Variants in PPFIA2 observed in about 807,000 individuals in gnomAD.
PPFIA2 encodes liprin-alpha-2.
Under a neutral mutation model 175.5 loss-of-function variants are expected in PPFIA2, and 46 were observed. The observed-to-expected ratio is 0.26, with a 90% CI of 0.21 to 0.34. PPFIA2 has a LOEUF of 0.34. PPFIA2 is among the 10% of genes least tolerant of loss of function. The pLI, the probability that PPFIA2 is intolerant of heterozygous loss-of-function variation, is 1.00. For synonymous variants in PPFIA2, 568 were observed against 511.4 expected, an observed-to-expected ratio of 1.11 and a Z score of -1.49; for missense variants, 1,179 against 1,506.1, an observed-to-expected ratio of 0.78 and a Z score of 3.60.
intron 4 of PPFIA2, among the ~76,000 whole-genome samples, chr12:81,490,663 C>T (rs2059331746): frequency 6.6e-6 from 1 of 151,938 alleles, no homozygotes; most frequent in Non-Finnish European, 1.5e-5. Flanking sequence ...CTCTTCATAC[C>T]TCTAAGACTT....
rs549689082 is a variant in PPFIA2, at chr12:81,406,659, C to A, written c.646-756G>T. Among the ~76,000 whole-genome samples, 30 of 151,754 alleles carry A rather than the reference C, an allele frequency of 2.0e-4. 1 individual carries two copies. The highest frequency in any genetic ancestry group is 3.3e-4 in the Admixed American group (5 of 15,258). ...CTTTTTAAAATGATGTTTTAAAATA[C>A]ATTTGCTAAATATATATATATATAT... On this transcript the variant is annotated intron_variant, in intron 7 of 32. Coordinates refer to ENST00000549396, the MANE Select transcript of PPFIA2 (RefSeq NM_003625.5).
At chr12:81,327,292 AC>A in intron 21 of PPFIA2, among the ~76,000 whole-genome samples, 1 of 152,182 alleles carries the variant, frequency 6.6e-6, no homozygotes, top group East Asian at 1.9e-4. Context: ...TTTAATGAAT[AC>A]GGGTACTTAA....
intron 8 of PPFIA2, among the ~76,000 whole-genome samples, chr12:81,401,410 A>T (rs1279206317): frequency 2.0e-5 from 3 of 152,304 alleles, no homozygotes; most frequent in South Asian, 4.1e-4. Flanking sequence ...GGTAAGGTTC[A>T]TACAGCTGGT....
intron 3 of PPFIA2, among the ~76,000 whole-genome samples, chr12:81,752,710 A>G (rs2083992719): frequency 6.6e-6 from 1 of 152,316 alleles, no homozygotes; most frequent in East Asian, 1.9e-4. Context: ...TTAGAATTTT[A>G]TCAACTTTGA....
At chr12:81,639,275 T>A (rs1397846066) in intron 4 of PPFIA2, among the ~76,000 whole-genome samples, 2 of 152,170 alleles carry the variant, frequency 1.3e-5, no homozygotes, top group African/African-American at 4.8e-5. Context: ...CTGCTTTTTT[T>A]TCTTTTAAAA....
chr12:81,288,505 CA>C (rs1328468360), intron 24 of PPFIA2, among the ~76,000 whole-genome samples: 1 of 151,604 alleles, frequency 6.6e-6, no homozygotes, highest in Admixed American at 6.6e-5. Context: ...AGAGTTAAGA[CA>C]GAAAAATAAA....
At chr12:81,739,770 T>C (rs1376380467) in intron 3 of PPFIA2, among the ~76,000 whole-genome samples, 1 of 152,088 alleles carries the variant, frequency 6.6e-6, no homozygotes, top group Non-Finnish European at 1.5e-5. Context: ...TTACCGTACA[T>C]AGAACAAGAT....
At chr12:81,743,039 G>T (rs2082521970) in intron 3 of PPFIA2, among the ~76,000 whole-genome samples, 1 of 152,006 alleles carries the variant, frequency 6.6e-6, no homozygotes, top group African/African-American at 2.4e-5. Context: ...CTCCACTCAG[G>T]GTGAATTCAG....
chr12:81,346,751 G>T (rs1389222367), intron 18 of PPFIA2, among the ~76,000 whole-genome samples: 1 of 151,580 alleles, frequency 6.6e-6, no homozygotes, highest in African/African-American at 2.4e-5. Flanking sequence ...AGAAATTTAT[G>T]TTATATATTG....
At chr12:81,579,427 A>G (rs1350239420) in intron 4 of PPFIA2, among the ~76,000 whole-genome samples, 4 of 151,846 alleles carry the variant, frequency 2.6e-5, no homozygotes, top group Non-Finnish European at 4.4e-5. Flanking sequence ...ATAAATCATT[A>G]TTTAGGAAGA....
At position 81,365,827 on chromosome 12, in the gene PPFIA2, G is replaced by C. The variant is rs1047781525; in HGVS notation, c.1545+1281C>G. Among the ~76,000 whole-genome samples, 3 of 151,892 alleles carry C rather than the reference G, an allele frequency of 2.0e-5. No individual in the cohort carries two copies. The East Asian group carries it at 5.8e-4, about 30-fold the overall frequency. On this transcript the variant is annotated intron_variant, in intron 14 of 32. Transcript: ENST00000549396. ...TGTTCTAAAGACCTATCTTTCAGGA[G>C]ATTGTGGACACCTTGACTGTAGAAT...
intron 4 of PPFIA2, among the ~76,000 whole-genome samples, chr12:81,659,416 C>G (rs886998904): frequency 1.4e-4 from 21 of 152,212 alleles, no homozygotes; most frequent in Admixed American, 1.1e-3. Context: ...TATCCTTCAC[C>G]TGGCTCGAAG....
In PPFIA2 at chr12:81,290,575, T is replaced by C. The variant is rs61934706; in HGVS notation, c.2925+4260A>G. On this transcript the variant is annotated intron_variant, in intron 24 of 32. Transcript: ENST00000549396. ...TATTACACATTAGTAAAAAGATATA[T>C]ATTCCTATAATAATAAAGATAAGTT... Among the ~76,000 whole-genome samples, 1,077 of 151,876 alleles carry C rather than the reference T, an allele frequency of 7.1e-3. 7 individuals carry two copies. Among genetic ancestry groups the C allele is most frequent in the Middle Eastern group, 0.017 (5 of 294 alleles).
At chr12:81,730,798 T>C (rs935344462) in intron 3 of PPFIA2, among the ~76,000 whole-genome samples, 1 of 151,508 alleles carries the variant, frequency 6.6e-6, no homozygotes, top group South Asian at 2.1e-4. Flanking sequence ...TCCAATTAAA[T>C]GTTATTACCC....
At chr12:81,403,905 T>C (rs1185090372) in intron 8 of PPFIA2, among the ~76,000 whole-genome samples, 1 of 152,158 alleles carries the variant, frequency 6.6e-6, no homozygotes, top group East Asian at 1.9e-4. Context: ...AATTGCACAC[T>C]TGAATCTCTC....
intron 7 of PPFIA2, among the ~76,000 whole-genome samples, chr12:81,406,299 T>C (rs529088285): frequency 6.6e-6 from 1 of 152,210 alleles, no homozygotes; most frequent in East Asian, 1.9e-4. Flanking sequence ...ACAAGAAACA[T>C]AAAAGATTGA....
rs1199883161 is a variant in PPFIA2, at chr12:81,284,234, G to C, written c.2988+7C>G. On this transcript the variant is annotated splice_region_variant and intron_variant, in intron 25 of 32. Coordinates refer to ENST00000549396, the MANE Select transcript of PPFIA2 (RefSeq NM_003625.5). ...CCTTCAGGTTCAACAAAGCCATTAAGACTAACCGTTTTTGCTGGAGCTGCA... is the reference window on the plus strand; with the variant it reads ...CCTTCAGGTTCAACAAAGCCATTAACACTAACCGTTTTTGCTGGAGCTGCA... The C allele has an allele frequency of 6.4e-7, 1 of 1,568,596 alleles. No individual in the cohort carries two copies. Among genetic ancestry groups the C allele is most frequent in the South Asian group, 1.1e-5 (1 of 88,062 alleles).
intron 26 of PPFIA2, 57 bp downstream of exon 26, chr12:81,282,953 A>G (rs2042408187): frequency 6.8e-7 from 1 of 1,473,252 alleles, no homozygotes. Context: ...TTCTTGATTT[A>G]TATTCTCATT....
At position 81,368,792 on chromosome 12, in the gene PPFIA2, A is replaced by T. The variant is rs763450532; in HGVS notation, c.1415T>A (p.Leu472His). The T allele has an allele frequency of 6.2e-7, 1 of 1,610,942 alleles. No individual in the cohort carries two copies. Among genetic ancestry groups the T allele is most frequent in the Middle Eastern group, 1.7e-4 (1 of 6,038 alleles). The stretch of plus-strand genomic sequence containing the variant: ...TAGGCGTTCATTGGATTCAGTCAGA[A>T]GTCTATCAACCGTATCCGATAATCT... ...NKRLSDTVDRLLTESNERLQL... is the reference protein window; with the variant it reads ...NKRLSDTVDRHLTESNERLQL... The change falls in exon 13 of 33, where the codon CTT becomes CAT. Residue 472 changes from leucine to histidine, a missense_variant. By Grantham distance (99) the Leu-to-His change is moderately conservative (BLOSUM62 -3). Coordinates refer to ENST00000549396, the MANE Select transcript of PPFIA2 (RefSeq NM_003625.5).
Sources: gnomAD v4.1 joint callset for allele counts (sites outside exome capture counted in the v4.1 genomes callset) on GRCh38, gnomAD v4.1.1 for gene constraint, MANE v1.5 for transcripts, NCBI Gene and HGNC (gene_info 2026-07-23, HGNC 2026-07-21) for gene names.